ZBBX: variants seen among roughly 807,000 people sequenced by gnomAD.
ZBBX encodes the protein zinc finger B-box domain containing.
Under a neutral mutation model 108.5 loss-of-function variants are expected in ZBBX, and 101 were observed. The observed-to-expected ratio is 0.93, with a 90% confidence interval of 0.79 to 1.10. The LOEUF (loss-of-function observed/expected upper bound fraction) is 1.10. ZBBX is among the 50% of genes least tolerant of loss of function. The probability of loss-of-function intolerance (pLI) is 0.00; values close to 1 mark genes in which losing one functional copy is unlikely to be tolerated. For missense variants in ZBBX, 1,009 were observed against 941.4 expected, an observed-to-expected ratio of 1.07 and a Z score of -0.94; for synonymous variants, 356 against 323.4, an observed-to-expected ratio of 1.10 and a Z score of -1.08.
intron 20 of ZBBX, among the ~76,000 whole-genome samples, chr3:167,262,837 A>C (rs910792897): frequency 6.6e-6 from 1 of 152,010 alleles, no homozygotes; most frequent in East Asian, 1.9e-4. Context: ...GATTTTATCT[A>C]TTTGGCTCTT....
the ZBBX span, among the ~76,000 whole-genome samples, chr3:167,208,633 C>G: frequency 9.9e-5 from 15 of 152,104 alleles, no homozygotes; most frequent in African/African-American, 3.6e-4. Flanking sequence ...ATTAAAGAGC[C>G]CTTGGGCTCT....
chr3:167,303,698 A>T (rs773325955), intron 17 of ZBBX, among the ~76,000 whole-genome samples: 1 of 152,202 alleles, frequency 6.6e-6, no homozygotes, highest in African/African-American at 2.4e-5. Context: ...TTTAAAGATA[A>T]TGTTCCACTG....
At chr3:167,361,040 G>T (rs1744424726) in intron 6 of ZBBX, among the ~76,000 whole-genome samples, 1 of 151,906 alleles carries the variant, frequency 6.6e-6, no homozygotes, top group African/African-American at 2.4e-5. Flanking sequence ...ATATTGTAAA[G>T]GTTTAATACA....
At chr3:167,300,701 C>T (rs1292654549) in intron 17 of ZBBX, among the ~76,000 whole-genome samples, 1 of 151,568 alleles carries the variant, frequency 6.6e-6, no homozygotes, top group Non-Finnish European at 1.5e-5. Context: ...CCTCCGCCTC[C>T]CGGGTTCAAT....
At chr3:167,374,388 A>G (rs1483643655) in intron 2 of ZBBX, among the ~76,000 whole-genome samples, 1 of 152,214 alleles carries the variant, frequency 6.6e-6, no homozygotes, top group African/African-American at 2.4e-5. Flanking sequence ...TCATGGTTCT[A>G]TAATAATTTA....
chr3:167,359,504 T>C (rs550859271), intron 8 of ZBBX, among the ~76,000 whole-genome samples: 3 of 152,194 alleles, frequency 2.0e-5, no homozygotes, highest in Admixed American at 6.5e-5. Flanking sequence ...AGTTTTACAA[T>C]AATGGGGTGC....
intron 9 of ZBBX, among the ~76,000 whole-genome samples, chr3:167,338,870 T>C (rs1740047676): frequency 6.6e-6 from 1 of 152,170 alleles, no homozygotes; most frequent in African/African-American, 2.4e-5. Context: ...GATTGTTCGA[T>C]ATGATTGGAA....
At chr3:167,298,822 T>C (rs1467363356) in intron 17 of ZBBX, among the ~76,000 whole-genome samples, 1 of 152,016 alleles carries the variant, frequency 6.6e-6, no homozygotes, top group East Asian at 1.9e-4. Flanking sequence ...TCTTTGTCTA[T>C]ATATAAAATA....
chr3:167,330,951 C>CTCTCTCTCTCTCTCTG (rs1553820829), intron 10 of ZBBX, among the ~76,000 whole-genome samples: 6,790 of 135,936 alleles, frequency 0.05, 735 homozygotes, highest in African/African-American at 0.16. Context: ...TTCTTTCTCT[C>CTCTCTCTCTCTCTCTG]TCTCTCTCTC....
chr3:167,363,517 C>CA (rs373883846), intron 6 of ZBBX, among the ~76,000 whole-genome samples: 4 of 151,136 alleles, frequency 2.6e-5, no homozygotes, highest in Non-Finnish European at 4.4e-5. Flanking sequence ...CACACACACA[C>CA]AAAAAATATG....
intron 9 of ZBBX, among the ~76,000 whole-genome samples, chr3:167,347,523 C>G (rs1741684718): frequency 6.6e-6 from 1 of 151,864 alleles, no homozygotes; most frequent in South Asian, 2.1e-4. Context: ...ATGCAGAATC[C>G]AAATTTTTTT....
At chr3:167,380,685 G>A (rs1560209051), upstream of ZBBX, among the ~76,000 whole-genome samples, 2 of 152,056 alleles carry the variant, frequency 1.3e-5, no homozygotes, top group African/African-American at 4.8e-5. Context: ...TTAATTCAAG[G>A]AGTTTAGTCT....
chr3:167,208,087 C>T, the ZBBX span, among the ~76,000 whole-genome samples: 2 of 152,212 alleles, frequency 1.3e-5, no homozygotes. Flanking sequence ...ACACAGAACT[C>T]AGCCAGTGCC....
At chr3:167,356,234 C>A (rs1297262190) in intron 8 of ZBBX, among the ~76,000 whole-genome samples, 1 of 151,998 alleles carries the variant, frequency 6.6e-6, no homozygotes, top group East Asian at 1.9e-4. Context: ...ATAATTTTTA[C>A]AAATTTCTGG....
intron 1 of ZBBX, among the ~76,000 whole-genome samples, chr3:167,401,650 C>A (rs1407180527): frequency 6.6e-6 from 1 of 152,114 alleles, no homozygotes; most frequent in Non-Finnish European, 1.5e-5. Context: ...TGAGGACAAC[C>A]AGAGGTCACT....
At chr3:167,249,289 A>C (rs1308082362) in intron 20 of ZBBX, among the ~76,000 whole-genome samples, 3 of 152,174 alleles carry the variant, frequency 2.0e-5, no homozygotes, top group Non-Finnish European at 4.4e-5. Context: ...TAGGCTTTCT[A>C]TAGCTTGCAA....
chr3:167,331,563 A>G (rs540716190), intron 10 of ZBBX: 1 of 985,292 alleles, frequency 1.0e-6, no homozygotes, highest in Non-Finnish European at 1.2e-6. Flanking sequence ...CCATTGGAAT[A>G]CCTGGCTTCC....
At chr3:167,218,686 T>TA in the ZBBX span, among the ~76,000 whole-genome samples, 2 of 150,740 alleles carry the variant, frequency 1.3e-5, no homozygotes, top group Admixed American at 6.6e-5. Flanking sequence ...TCATCTTCAC[T>TA]AAAAAAAAGA....
intron 9 of ZBBX, among the ~76,000 whole-genome samples, chr3:167,349,354 T>G (rs1321342581): frequency 6.6e-6 from 1 of 152,128 alleles, no homozygotes; most frequent in Non-Finnish European, 1.5e-5. Context: ...TTTTCATTTC[T>G]TATGACTATC....
Sources: allele counts gnomAD v4.1 joint callset (sites outside exome capture counted in the v4.1 genomes callset), GRCh38; gene constraint gnomAD v4.1.1; transcripts MANE v1.5; gene names NCBI Gene and HGNC (gene_info 2026-07-23, HGNC 2026-07-21).